BLM: variants seen among roughly 807,000 people sequenced by gnomAD.
BLM encodes BLM RecQ like helicase.
In BLM, 95 loss-of-function variants were observed where a neutral mutation model predicts 135.3. The ratio of observed to expected loss-of-function variants is 0.70; its 90% CI spans 0.59 to 0.83. The LOEUF (loss-of-function observed/expected upper bound fraction) is 0.83, where lower values mean the gene tolerates loss of function less well. Ranked by LOEUF, BLM falls within the 40% of genes least tolerant of loss-of-function variation. The probability of loss-of-function intolerance (pLI) is 0.00; values close to 1 mark genes in which losing one functional copy is unlikely to be tolerated. For synonymous variants in BLM, 520 were observed against 589.2 expected, an observed-to-expected ratio of 0.88 and a Z score of 1.70; for missense variants, 1,518 against 1,663.9, an observed-to-expected ratio of 0.91 and a Z score of 1.53.
Position 90,760,578 on chromosome 15 carries a change from T to C in BLM, c.1221-16T>C, listed in dbSNP as rs2151157723. 1 of 1,602,028 alleles carries C rather than the reference T, an allele frequency of 6.2e-7. No homozygotes were observed. Among genetic ancestry groups the C allele is most frequent in the Non-Finnish European group, 8.5e-7 (1 of 1,173,174 alleles). On this transcript the variant is annotated splice_polypyrimidine_tract_variant and intron_variant, in intron 6 of 21. Transcript: ENST00000355112. Reference sequence around the variant, plus strand: ...ACTACTTATATTTAATACGTTGTTCTCTTTTCTCTCTTCAGAAGGAAACTT... The same window carrying C: ...ACTACTTATATTTAATACGTTGTTCCCTTTTCTCTCTTCAGAAGGAAACTT...
At chr15:90,798,104 G>T in intron 16 of BLM, 86 bp from the exon 17 acceptor site, 1 of 1,217,380 alleles carries the variant, frequency 8.2e-7, no homozygotes, top group African/African-American at 1.5e-5. Flanking sequence ...GGGTTATGAT[G>T]AATCTACTAT....
At chr15:90,769,707 C>A in intron 12 of BLM, 121 bp downstream of exon 12, 1 of 1,247,440 alleles carries the variant, frequency 8.0e-7, no homozygotes, top group Non-Finnish European at 1.1e-6. Context: ...ACCCCCATGC[C>A]CAAGTTGTAA....
intron 12 of BLM, among the ~76,000 whole-genome samples, chr15:90,775,163 C>G (rs1455659879): frequency 2.0e-5 from 3 of 152,048 alleles, no homozygotes; most frequent in Non-Finnish European, 4.4e-5. Context: ...AAGGAAGAAA[C>G]AGAGTCAAGA....
In BLM at chr15:90,789,190, C is replaced by T. The variant is rs376793738; in HGVS notation, c.2824-1459C>T. On this transcript the variant is annotated intron_variant, in intron 14 of 21. Coordinates refer to ENST00000355112, the MANE Select transcript of BLM (RefSeq NM_000057.4). ...TACACCAGCTCGACAGACTTGATCT[C>T]GTTAGATTCATGAGATAGAATAAAA... Among the ~76,000 whole-genome samples, 195 of 152,030 alleles carry T rather than the reference C, an allele frequency of 1.3e-3. 1 individual carries two copies. Among genetic ancestry groups the T allele is most frequent in the African/African-American group, 3.8e-3 (157 of 41,482 alleles).
intron 10 of BLM, among the ~76,000 whole-genome samples, chr15:90,768,757 G>A (rs972984384): frequency 3.9e-5 from 6 of 152,054 alleles, no homozygotes; most frequent in African/African-American, 1.2e-4. Context: ...ACCGAGTTTC[G>A]GTATTGTTAC....
rs77206948 is a variant in BLM, at chr15:90,774,913, G to A, written c.2555+5327G>A. On this transcript the variant is annotated intron_variant, in intron 12 of 21. Transcript: ENST00000355112. Reference sequence around the variant, plus strand: ...GATGACCCTGACAAGGTGGCTTGACGCCAGATCATGGAGGATCTTGCATAT... The same window carrying A: ...GATGACCCTGACAAGGTGGCTTGACACCAGATCATGGAGGATCTTGCATAT... Among the ~76,000 whole-genome samples, 1,201 of 152,128 alleles carry A rather than the reference G, an allele frequency of 7.9e-3. 10 individuals are homozygous for A. The highest frequency in any genetic ancestry group is 0.038 in the Middle Eastern group (11 of 292).
At chr15:90,754,470 A>G (rs1011635472) in intron 4 of BLM, among the ~76,000 whole-genome samples, 3 of 152,210 alleles carry the variant, frequency 2.0e-5, no homozygotes, top group African/African-American at 7.2e-5. Flanking sequence ...TTTGGGTACG[A>G]AGAGATTGGA....
intron 1 of BLM, among the ~76,000 whole-genome samples, chr15:90,733,318 G>A (rs1466750006): frequency 2.6e-5 from 4 of 152,118 alleles, no homozygotes; most frequent in Non-Finnish European, 5.9e-5. Context: ...TACCAAAATT[G>A]ACTCAAGTAG....
At chr15:90,767,306 G>A (rs1236209089) in intron 10 of BLM, among the ~76,000 whole-genome samples, 2 of 152,058 alleles carry the variant, frequency 1.3e-5, no homozygotes, top group African/African-American at 4.8e-5. Context: ...TATAACCTCA[G>A]TACAATGATC....
chr15:90,807,983 T>A (rs1897320282), intron 19 of BLM, among the ~76,000 whole-genome samples: 1 of 152,222 alleles, frequency 6.6e-6, no homozygotes, highest in African/African-American at 2.4e-5. Context: ...ACCTCAGGAA[T>A]GCTAAATTGT....
chr15:90,812,261 C>A (rs1185564931), intron 21 of BLM, among the ~76,000 whole-genome samples: 2 of 152,068 alleles, frequency 1.3e-5, no homozygotes, highest in Non-Finnish European at 2.9e-5. Context: ...GCAGGGGTAG[C>A]AAGAAGAAGC....
intron 16 of BLM, among the ~76,000 whole-genome samples, chr15:90,795,792 A>C (rs1897015431): frequency 6.6e-6 from 1 of 152,250 alleles, no homozygotes; most frequent in Admixed American, 6.5e-5. Flanking sequence ...ATGAAAGGAT[A>C]AGAGCTGTGG....
At chr15:90,771,011 A>G (rs1313491502) in intron 12 of BLM, among the ~76,000 whole-genome samples, 1 of 152,216 alleles carries the variant, frequency 6.6e-6, no homozygotes, top group Non-Finnish European at 1.5e-5. Context: ...GCACTGTTAT[A>G]TAGCACAAAT....
chr15:90,790,013 T>G (rs1896863529), intron 14 of BLM, among the ~76,000 whole-genome samples: 1 of 127,132 alleles, frequency 7.9e-6, no homozygotes, highest in African/African-American at 3.4e-5. Flanking sequence ...TTTTTTTTTT[T>G]TTTTTTTTTT....
At chr15:90,736,737 G>A (rs1051311899) in intron 1 of BLM, among the ~76,000 whole-genome samples, 1 of 133,478 alleles carries the variant, frequency 7.5e-6, no homozygotes, top group Admixed American at 7.0e-5. Context: ...TTGCAAACGG[G>A]TGTAGAGTGA....
In BLM at chr15:90,809,224, C is replaced by T; in HGVS notation, c.3839C>T (p.Ser1280Leu). ...KLEKYGAEVI[S>L]VLQKYSEWTS... is the part of the protein sequence containing the mutation. The stretch of plus-strand genomic sequence containing the variant: ...GAAAAATATGGTGCGGAAGTGATTT[C>T]AGTATTACAGAAATACTCTGAATGG... Residue 1280 changes from serine (S) to leucine (L), a missense_variant, in exon 20 of 22, where the codon TCA (serine) becomes TTA (leucine). This residue lies in a region of BLM where 153 missense variants were observed against 173.4 expected (regional missense o/e 0.88). Coordinates refer to ENST00000355112, the MANE Select transcript of BLM (RefSeq NM_000057.4). 1 of 1,614,142 alleles carries T rather than the reference C, an allele frequency of 6.2e-7. No homozygotes were observed. The highest frequency in any genetic ancestry group is 8.5e-7 in the Non-Finnish European group (1 of 1,180,030).
chr15:90,734,314 G>A (rs139140583), intron 1 of BLM, among the ~76,000 whole-genome samples: 1,639 of 149,510 alleles, frequency 0.011, 38 homozygotes, highest in African/African-American at 0.035. Context: ...TTGAGATGGA[G>A]TCTCACCCTG....
At chr15:90,785,565 A>T (rs1480204687) in intron 14 of BLM, among the ~76,000 whole-genome samples, 2 of 146,436 alleles carry the variant, frequency 1.4e-5, no homozygotes, top group Non-Finnish European at 3.0e-5. Flanking sequence ...TTTTCCGGAG[A>T]CAGAGTCTCA....
In BLM at chr15:90,769,187, C is replaced by T. The variant is rs149754073; in HGVS notation, c.2362C>T (p.Leu788Phe). ...STLENLYERK[L>F]LARFVIDEAH... is the part of the protein sequence containing the mutation. The stretch of plus-strand genomic sequence containing the variant: ...TCTGGAGAATCTCTATGAGAGGAAG[C>T]TCTTGGCACGTTTTGTTATTGATGA... Residue 788 changes from leucine (L) to phenylalanine (F), a missense_variant, in exon 11 of 22, where the codon CTC (leucine) becomes TTC (phenylalanine). Around this residue, in one of 5 missense-constraint regions of BLM, gnomAD observed 626 missense variants for 681.1 expected, o/e 0.92. Transcript: ENST00000355112. 4 of 1,613,840 alleles carry T rather than the reference C, an allele frequency of 2.5e-6. No individual in the cohort carries two copies. In the African/African-American group the frequency reaches 5.3e-5, roughly 22 times the overall value.
Sources: gnomAD v4.1 joint callset for allele counts (sites outside exome capture counted in the v4.1 genomes callset) on GRCh38, gnomAD v4.1.1 for gene constraint, gnomAD v4.1.1 regional missense constraint, MANE v1.5 for transcripts, NCBI Gene and HGNC (gene_info 2026-07-23, HGNC 2026-07-21) for gene names.